Variants in JMJD1C observed in about 807,000 individuals in gnomAD.
The protein encoded by JMJD1C is jumonji domain containing 1C.
JMJD1C carries 31 observed loss-of-function variants against 245.3 expected under a neutral mutation model. The observed-to-expected ratio is 0.13, with a 90% CI of 0.09 to 0.17. The LOEUF (loss-of-function observed/expected upper bound fraction) is 0.17. Ranked by LOEUF, JMJD1C falls within the 10% of genes least tolerant of loss-of-function variation. JMJD1C has a pLI of 1.00. For missense variants in JMJD1C, 2,691 were observed against 3,000.2 expected, an observed-to-expected ratio of 0.90 and a Z score of 2.41; for synonymous variants, 1,057 against 1,017.4, an observed-to-expected ratio of 1.04 and a Z score of -0.74.
chr10:63,177,982 C>A, intron 22 of JMJD1C, 126 bp from the exon 23 acceptor site: 1 of 988,418 alleles, frequency 1.0e-6, no homozygotes, highest in Non-Finnish European at 1.5e-6. Flanking sequence ...TTTTGGTCAC[C>A]CAGGCTGGAG....
At chr10:63,450,684 C>T (rs989262654) in intron 1 of JMJD1C, among the ~76,000 whole-genome samples, 7 of 152,150 alleles carry the variant, frequency 4.6e-5, no homozygotes, top group South Asian at 2.1e-4. Context: ...ATAATGAAGG[C>T]CAGGTATGAA....
intron 3 of JMJD1C, among the ~76,000 whole-genome samples, chr10:63,249,461 A>G (rs1852736938): frequency 1.3e-5 from 2 of 152,252 alleles, no homozygotes; most frequent in African/African-American, 4.8e-5. Context: ...AACAGAATAA[A>G]TAAGACCTAT....
intron 1 of JMJD1C, among the ~76,000 whole-genome samples, chr10:63,486,169 CAAAAA>C (rs1554951247): frequency 5.5e-5 from 2 of 36,516 alleles, no homozygotes; most frequent in Non-Finnish European, 1.4e-4. Flanking sequence ...AAAAAAAAAA[CAAAAA>C]ACAGAAAACT....
At chr10:63,212,201 T>G (rs1847446184) in intron 8 of JMJD1C, among the ~76,000 whole-genome samples, 2 of 152,182 alleles carry the variant, frequency 1.3e-5, no homozygotes, top group Non-Finnish European at 2.9e-5. Flanking sequence ...GGCTATAGTT[T>G]CAGTTTTACA....
chr10:63,338,876 C>G (rs567679078), intron 2 of JMJD1C, among the ~76,000 whole-genome samples: 2 of 151,536 alleles, frequency 1.3e-5, no homozygotes, highest in Admixed American at 6.6e-5. Context: ...CTTGAACTCT[C>G]AACCTCAGGT....
intron 24 of JMJD1C, among the ~76,000 whole-genome samples, chr10:63,173,327 TGAG>T (rs894827308): frequency 2.1e-4 from 32 of 151,880 alleles, no homozygotes; most frequent in African/African-American, 4.1e-4. Context: ...TAGAAGAAAA[TGAG>T]GAGAAAATCT....
rs35442695 is a variant in JMJD1C at position 63,277,731 on chromosome 10, C to CTTTTTTTTTTTTTT, written c.334-12981_334-12968dup. On this transcript the variant is annotated intron_variant, in intron 2 of 25. Transcript: ENST00000399262. ...TATTCATTGAGAGTAATTTGCATTT[C>CTTTTTTTTTTTTTT]TTTTTTTTTTTTTTTTTTTTTTTTG... Among the ~76,000 whole-genome samples the CTTTTTTTTTTTTTT allele has an allele frequency of 2.9e-3, 187 of 64,274 alleles. 27 individuals are homozygous for CTTTTTTTTTTTTTT. Among genetic ancestry groups the CTTTTTTTTTTTTTT allele is most frequent in the East Asian group, 0.02 (35 of 1,746 alleles). The allele number at this position is 64,274 out of a possible 152,430, so 42.2% of individuals were successfully genotyped here.
At chr10:63,242,363 T>C (rs1051433825) in intron 3 of JMJD1C, among the ~76,000 whole-genome samples, 2 of 152,218 alleles carry the variant, frequency 1.3e-5, no homozygotes, top group African/African-American at 2.4e-5. Context: ...TTTTATTTAA[T>C]TTACGTTTAA....
At chr10:63,314,109 C>G (rs939970690) in intron 2 of JMJD1C, among the ~76,000 whole-genome samples, 1 of 152,134 alleles carries the variant, frequency 6.6e-6, no homozygotes, top group East Asian at 1.9e-4. Flanking sequence ...AGGTGAGAGA[C>G]GAGGATCCAG....
intron 1 of JMJD1C, among the ~76,000 whole-genome samples, chr10:63,406,631 T>C (rs1048598396): frequency 5.9e-5 from 9 of 151,436 alleles, no homozygotes; most frequent in Non-Finnish European, 1.0e-4. Context: ...CAACACTAGA[T>C]TTTTTTTTAA....
intron 1 of JMJD1C, among the ~76,000 whole-genome samples, chr10:63,500,795 GCAC>G (rs1395599019): frequency 1.5e-5 from 2 of 134,208 alleles, no homozygotes; most frequent in African/African-American, 5.3e-5. Flanking sequence ...ATGGATGGAT[GCAC>G]GGATGCATGG....
At chr10:63,467,423 A>T (rs1227458886), upstream of JMJD1C, among the ~76,000 whole-genome samples, 1 of 152,176 alleles carries the variant, frequency 6.6e-6, no homozygotes, top group Admixed American at 6.5e-5. Context: ...CAGGAGAATC[A>T]CTTGAACCTG....
Position 63,177,722 on chromosome 10 carries a change from G to T in JMJD1C, c.7219C>A (p.Gln2407Lys), listed in dbSNP as rs1269380261. The change falls in exon 23 of 26, where the codon CAA (glutamine) becomes AAA (lysine). Residue 2407 changes from glutamine (Q) to lysine (K), a missense_variant. Around this residue, in one of 9 missense-constraint regions of JMJD1C, gnomAD observed 232 missense variants for 416.1 expected, o/e 0.56. Transcript: ENST00000399262. ...ATTTGCAAACTAACTTATACCTTTT[G>T]AAGAAATTCCCTTATCTTGTCAACA... ...KDVDKIREFLQKISKEQGLEV... is the reference protein window; with the variant it reads ...KDVDKIREFLKKISKEQGLEV... The T allele has an allele frequency of 3.7e-6, 6 of 1,613,808 alleles. No homozygotes were observed. The African/African-American group carries it at 6.7e-5, about 18-fold the overall frequency.
intron 8 of JMJD1C, 88 bp downstream of exon 8, chr10:63,213,385 G>T: frequency 1.2e-6 from 1 of 807,350 alleles, no homozygotes; most frequent in South Asian, 2.2e-5. Flanking sequence ...AATAGGAAAT[G>T]ACCTAAAAAA....
chr10:63,258,133 A>G (rs374495394), intron 3 of JMJD1C, among the ~76,000 whole-genome samples: 10 of 152,218 alleles, frequency 6.6e-5, no homozygotes, highest in African/African-American at 2.4e-4. Context: ...TCTGTACTAT[A>G]AACTCTTTAC....
intron 1 of JMJD1C, among the ~76,000 whole-genome samples, chr10:63,449,270 A>G (rs1951893345): frequency 6.6e-6 from 1 of 152,114 alleles, no homozygotes; most frequent in Admixed American, 6.5e-5. Context: ...ACTGGTACAC[A>G]ATCTAAAAGT....
At chr10:63,387,233 A>C (rs924874278) in intron 1 of JMJD1C, among the ~76,000 whole-genome samples, 1 of 152,204 alleles carries the variant, frequency 6.6e-6, no homozygotes, top group African/African-American at 2.4e-5. Context: ...TGATGCATAG[A>C]TATCAATGTA....
intron 3 of JMJD1C, among the ~76,000 whole-genome samples, chr10:63,254,149 A>G (rs1007541428): frequency 9.2e-5 from 14 of 152,144 alleles, no homozygotes; most frequent in Non-Finnish European, 1.9e-4. Context: ...TTTAGCTTTG[A>G]GCAAATCTAG....
At chr10:63,291,323 A>AG (rs1330841186) in intron 2 of JMJD1C, among the ~76,000 whole-genome samples, 2 of 147,780 alleles carry the variant, frequency 1.4e-5, no homozygotes, top group Non-Finnish European at 3.0e-5. Flanking sequence ...AAAAAAAAAA[A>AG]AAAAAAAAAA....
Sources: allele counts gnomAD v4.1 joint callset (sites outside exome capture counted in the v4.1 genomes callset), GRCh38; gene constraint gnomAD v4.1.1; regional missense constraint gnomAD v4.1.1; transcripts MANE v1.5; gene names NCBI Gene and HGNC (gene_info 2026-07-23, HGNC 2026-07-21).